The following TGFBR2 variants were observed in gnomAD, a reference collection of about 807,000 sequenced individuals.
TGFBR2 encodes TGF-beta receptor type-2.
In TGFBR2, 18 loss-of-function variants were observed where a neutral mutation model predicts 49.0. That is an observed-to-expected ratio of 0.37 (90% CI 0.25 to 0.54). The LOEUF (loss-of-function observed/expected upper bound fraction) is 0.54. TGFBR2 is among the 20% of genes least tolerant of loss of function. The pLI is 0.85. For synonymous variants in TGFBR2, 282 were observed against 275.9 expected (o/e 1.02, Z -0.22); for missense variants, 525 against 722.6 (o/e 0.73, Z 3.13).
chr3:30,691,904 A>T lies in TGFBR2; in HGVS notation c.*305A>T. The T allele has an allele frequency of 3.4e-6, 1 of 291,834 alleles. No individual in the cohort carries two copies. The highest frequency in any genetic ancestry group is 6.3e-6 in the Non-Finnish European group (1 of 158,252). The allele number at this position is 291,834 out of a possible 1,614,324, so 18.1% of individuals were successfully genotyped here. ...TGCCTGTATATAAATATGAATAGCT[A>T]TGTTTTATATATATATATATATATC... On this transcript the variant is annotated 3_prime_UTR_variant, in exon 7 of 7. Transcript: ENST00000295754.
At chr3:30,658,327 A>G (rs2125418805) in intron 3 of TGFBR2, among the ~76,000 whole-genome samples, 1 of 152,326 alleles carries the variant, frequency 6.6e-6, no homozygotes, top group African/African-American at 2.4e-5. Context: ...CTGTTTTCTC[A>G]CATTTATATT....
chr3:30,685,772 G>A (rs1699610189), intron 5 of TGFBR2, among the ~76,000 whole-genome samples: 1 of 152,198 alleles, frequency 6.6e-6, no homozygotes, highest in Non-Finnish European at 1.5e-5. Context: ...GAAGGTGTGA[G>A]CCCTTATGAG....
chr3:30,678,254 G>C, intron 5 of TGFBR2, among the ~76,000 whole-genome samples: 1 of 152,106 alleles, frequency 6.6e-6, no homozygotes, highest in East Asian at 1.9e-4. Context: ...GCCTGCTCAA[G>C]AGGTATGGTC....
chr3:30,681,769 G>T (rs774159670), intron 5 of TGFBR2, among the ~76,000 whole-genome samples: 21 of 152,222 alleles, frequency 1.4e-4, no homozygotes, highest in Admixed American at 7.2e-4. Flanking sequence ...GACTTGGTTT[G>T]ATGAACTAAT....
At chr3:30,679,678 T>TA (rs1699505460) in intron 5 of TGFBR2, among the ~76,000 whole-genome samples, 1 of 152,216 alleles carries the variant, frequency 6.6e-6, no homozygotes, top group African/African-American at 2.4e-5. Flanking sequence ...CCTGTACTGT[T>TA]ATTAATCCCA....
At chr3:30,668,345 G>A (rs1699278010) in intron 3 of TGFBR2, among the ~76,000 whole-genome samples, 1 of 152,186 alleles carries the variant, frequency 6.6e-6, no homozygotes, top group South Asian at 2.1e-4. Context: ...GACATTCCAT[G>A]TAGTTACAGA....
intron 3 of TGFBR2, among the ~76,000 whole-genome samples, chr3:30,665,748 C>T (rs1032131531): frequency 6.6e-6 from 1 of 152,158 alleles, no homozygotes; most frequent in Non-Finnish European, 1.5e-5. Context: ...TTCACTCTGC[C>T]AAGGGAGCTT....
intron 1 of TGFBR2, among the ~76,000 whole-genome samples, chr3:30,608,564 G>A (rs1388351170): frequency 6.6e-6 from 1 of 152,032 alleles, no homozygotes; most frequent in Non-Finnish European, 1.5e-5. Context: ...TTACCTTTAG[G>A]TTTGTCTAGA....
intron 5 of TGFBR2, among the ~76,000 whole-genome samples, chr3:30,684,154 G>C (rs1699582577): frequency 6.6e-6 from 1 of 152,122 alleles, no homozygotes; most frequent in African/African-American, 2.4e-5. Context: ...TAGGAAAAAT[G>C]AGCAATGTTG....
intron 1 of TGFBR2, among the ~76,000 whole-genome samples, chr3:30,610,842 G>T (rs1559445201): frequency 1.3e-5 from 2 of 152,154 alleles, no homozygotes; most frequent in South Asian, 2.1e-4. Flanking sequence ...TGACTCTGCT[G>T]CTTCACATCC....
chr3:30,636,758 G>A (rs2125397328), intron 1 of TGFBR2, among the ~76,000 whole-genome samples: 1 of 150,904 alleles, frequency 6.6e-6, no homozygotes, highest in African/African-American at 2.5e-5. Context: ...GTGTGTGTGT[G>A]TATTCCCTTT....
At chr3:30,656,437 G>A (rs970797569) in intron 3 of TGFBR2, among the ~76,000 whole-genome samples, 2 of 152,190 alleles carry the variant, frequency 1.3e-5, no homozygotes, top group African/African-American at 2.4e-5. Flanking sequence ...ATTTGCGAAT[G>A]TTTTCAAGAT....
chr3:30,658,267 TACCTAC>T (rs1228755026), intron 3 of TGFBR2, among the ~76,000 whole-genome samples: 1 of 152,226 alleles, frequency 6.6e-6, no homozygotes, highest in Non-Finnish European at 1.5e-5. Context: ...AGCAAATATG[TACCTAC>T]ACATTTAGCA....
intron 5 of TGFBR2, among the ~76,000 whole-genome samples, chr3:30,675,496 C>A (rs1380809751): frequency 2.6e-5 from 4 of 151,800 alleles, no homozygotes; most frequent in Non-Finnish European, 4.4e-5. Flanking sequence ...AAGCAATTCT[C>A]CTAGCTCAGC....
rs751132952 is a variant in TGFBR2, at chr3:30,688,520, TGA to T, written c.1524+11_1524+12del. On this transcript the variant is annotated intron_variant, in intron 6 of 6. Coordinates refer to ENST00000295754, the MANE Select transcript of TGFBR2 (RefSeq NM_003242.6). ...TCTGGCTCAACCACCAGGTAAGGAG[TGA>T]GTGTTTACAAAGGTCAGTAAGATTC... 4.3e-6 allele frequency: 7 copies of T among 1,613,740 alleles called. No homozygotes were observed. The East Asian group carries it at 1.3e-4, about 31-fold the overall frequency.
At chr3:30,662,052 CAGG>C (rs1252508287) in intron 3 of TGFBR2, among the ~76,000 whole-genome samples, 1 of 152,060 alleles carries the variant, frequency 6.6e-6, no homozygotes, top group Non-Finnish European at 1.5e-5. Flanking sequence ...TCATATCCAG[CAGG>C]AGTTTAATAG....
intron 5 of TGFBR2, among the ~76,000 whole-genome samples, chr3:30,683,978 C>A (rs935426926): frequency 3.3e-5 from 5 of 152,170 alleles, no homozygotes; most frequent in Admixed American, 3.3e-4. Context: ...CACGATCTTC[C>A]CTTCTTCTGC....
intron 1 of TGFBR2, among the ~76,000 whole-genome samples, chr3:30,607,799 AATATATATATATATTATATATATAT>A (rs1363150931): frequency 7.2e-6 from 1 of 138,320 alleles, no homozygotes; most frequent in Admixed American, 7.1e-5. Context: ...AAAATAAAAA[AATATATATATATATTATATATATAT>A]AAATATATAT....
At position 30,672,523 on chromosome 3, in the gene TGFBR2, A is replaced by C; in HGVS notation, c.1254+86A>C. 2.0e-4 allele frequency: 279 copies of C among 1,411,732 alleles called. No homozygotes were observed. The highest frequency in any genetic ancestry group is 2.6e-4 in the Non-Finnish European group (261 of 997,630). 87.5% of individuals were successfully genotyped at this position (1,411,732 alleles called of 1,614,324 possible). ...ATCCATATCTCCTGGCTCTTATCTC[A>C]AACAGCCCTGTACTCTGGACACTGG... On this transcript the variant is annotated intron_variant, in intron 4 of 6. Coordinates refer to ENST00000295754, the MANE Select transcript of TGFBR2 (RefSeq NM_003242.6). This position sits in a 1 kb window ranked among gnomAD's most constrained non-coding sequence, Gnocchi z 4.5.
Sources: gnomAD v4.1 joint callset for allele counts (sites outside exome capture counted in the v4.1 genomes callset) on GRCh38, gnomAD v4.1.1 for gene constraint, Gnocchi (gnomAD v3.1) non-coding constraint, MANE v1.5 for transcripts, NCBI Gene and HGNC (gene_info 2026-07-23, HGNC 2026-07-21) for gene names.